SCRG1: variants seen among roughly 807,000 people sequenced by gnomAD.
SCRG1 encodes the protein stimulator of chondrogenesis 1.
SCRG1 carries 3 observed loss-of-function variants against 7.7 expected under a neutral mutation model. The observed-to-expected ratio is 0.39, with a 90% CI of 0.18 to 1.01. The LOEUF is 1.01. Ranked by LOEUF, SCRG1 falls within the 50% of genes least tolerant of loss-of-function variation. SCRG1 has a pLI of 0.36. For synonymous variants in SCRG1, 46 were observed against 41.2 expected, an observed-to-expected ratio of 1.12 and a Z score of -0.44; for missense variants, 110 against 117.2, an observed-to-expected ratio of 0.94 and a Z score of 0.28.
At chr4:173,475,492 G>A in the SCRG1 span, among the ~76,000 whole-genome samples, 924 of 152,322 alleles carry the variant, frequency 6.1e-3, 8 homozygotes, top group African/African-American at 0.021. Flanking sequence ...GTACATTGCT[G>A]GTGGGAATGT....
At chr4:173,495,184 G>C in the SCRG1 span, among the ~76,000 whole-genome samples, 1 of 152,152 alleles carries the variant, frequency 6.6e-6, no homozygotes. Context: ...ATTATTATAC[G>C]ATATCGTCGT....
the SCRG1 span, among the ~76,000 whole-genome samples, chr4:173,484,703 T>TATAATACATATTATATATTATATGCAC: frequency 0.028 from 2,657 of 94,810 alleles, 81 homozygotes; most frequent in Middle Eastern, 0.054. Context: ...ATTATATGCA[T>TATAATACATATTATATATTATATGCAC]ATAATACATA....
chr4:173,509,483 T>C, the SCRG1 span, among the ~76,000 whole-genome samples: 5 of 152,322 alleles, frequency 3.3e-5, no homozygotes, highest in African/African-American at 9.6e-5. This position sits in a 1 kb window ranked among gnomAD's most constrained non-coding sequence, Gnocchi z 5.7. Flanking sequence ...AGCCGGCCTC[T>C]GCCCCCGGCC....
the SCRG1 span, among the ~76,000 whole-genome samples, chr4:173,429,815 TATA>T: frequency 6.6e-6 from 1 of 152,198 alleles, no homozygotes; most frequent in Non-Finnish European, 1.5e-5. Flanking sequence ...AATCCTGACA[TATA>T]ATAAGAACAA....
the SCRG1 span, among the ~76,000 whole-genome samples, chr4:173,499,485 A>C: frequency 6.6e-6 from 1 of 152,248 alleles, no homozygotes; most frequent in East Asian, 1.9e-4. This position sits in a 1 kb window ranked among gnomAD's most constrained non-coding sequence, Gnocchi z 4.1. Context: ...GGAGCTTTGC[A>C]AATGAATCTT....
chr4:173,514,845 T>C, the SCRG1 span, among the ~76,000 whole-genome samples: 1 of 152,198 alleles, frequency 6.6e-6, no homozygotes, highest in Non-Finnish European at 1.5e-5. Context: ...ACAGTGAAGT[T>C]CAAATTGCAA....
the SCRG1 span, among the ~76,000 whole-genome samples, chr4:173,457,779 C>T: frequency 6.6e-6 from 1 of 151,348 alleles, no homozygotes; most frequent in Non-Finnish European, 1.5e-5. Flanking sequence ...ACACTTATAC[C>T]TATACTACCT....
the SCRG1 span, among the ~76,000 whole-genome samples, chr4:173,412,591 G>C: frequency 2.0e-5 from 3 of 152,142 alleles, no homozygotes; most frequent in African/African-American, 7.2e-5. Flanking sequence ...CCAGCCCAAG[G>C]CTGCCTCATG....
rs968843555 is a variant in SCRG1 at position 173,384,905 on chromosome 4, A to G, written c.*3436T>C. 6.6e-6 allele frequency: 1 copy of G among 152,184 alleles called. No individual in the cohort carries two copies. Among genetic ancestry groups the G allele is most frequent in the Admixed American group, 6.5e-5 (1 of 15,276 alleles). The allele number at this position is 152,184 out of a possible 1,614,324, so 9.4% of individuals were successfully genotyped here. ...GTACAATTGTGTGTCCTATCCATGT[A>G]AAAGTTTGCCTTTCTGTAAAGGAAA... On this transcript the variant is annotated 3_prime_UTR_variant, in exon 3 of 3. Coordinates refer to ENST00000296506, the MANE Select transcript of SCRG1 (RefSeq NM_007281.4).
chr4:173,509,029 G>A, the SCRG1 span, among the ~76,000 whole-genome samples: 1 of 152,170 alleles, frequency 6.6e-6, no homozygotes, highest in African/African-American at 2.4e-5. This position sits in a 1 kb window ranked among gnomAD's most constrained non-coding sequence, Gnocchi z 5.7. Context: ...GTGGTGGTAC[G>A]GCTGGTAGCA....
the SCRG1 span, among the ~76,000 whole-genome samples, chr4:173,478,945 A>G: frequency 6.6e-6 from 1 of 152,312 alleles, no homozygotes; most frequent in South Asian, 2.1e-4. Context: ...TTAAAAAAGG[A>G]AAGAGGTCAC....
the SCRG1 span, among the ~76,000 whole-genome samples, chr4:173,505,280 C>T: frequency 2.0e-5 from 3 of 152,104 alleles, no homozygotes; most frequent in Non-Finnish European, 4.4e-5. This position sits in a 1 kb window ranked among gnomAD's most constrained non-coding sequence, Gnocchi z 4.4. Flanking sequence ...GACTCTTTAA[C>T]AACAATTTAT....
chr4:173,497,033 G>A, the SCRG1 span, among the ~76,000 whole-genome samples: 1 of 152,132 alleles, frequency 6.6e-6, no homozygotes, highest in Non-Finnish European at 1.5e-5. Context: ...GTGAACCTGG[G>A]AGGCAGAGCG....
At chr4:173,402,148 A>G (rs1039540063), upstream of SCRG1, among the ~76,000 whole-genome samples, 3 of 152,190 alleles carry the variant, frequency 2.0e-5, no homozygotes, top group Admixed American at 6.5e-5. Flanking sequence ...TGAATCTTTT[A>G]TGTGACATAG....
chr4:173,466,590 G>A, the SCRG1 span, among the ~76,000 whole-genome samples: 57 of 152,056 alleles, frequency 3.7e-4, no homozygotes, highest in Non-Finnish European at 5.9e-4. Flanking sequence ...TAGGGAAAAT[G>A]GAAAAATAAT....
exon 1 of SCRG1, chr4:173,406,368 T>TC (rs1739906852): frequency 6.6e-6 from 1 of 152,198 alleles, no homozygotes; most frequent in African/African-American, 2.4e-5. Context: ...GTCTGCAACT[T>TC]CCCCCTCACT....
the SCRG1 span, among the ~76,000 whole-genome samples, chr4:173,480,828 C>CA: frequency 6.6e-6 from 1 of 150,910 alleles, no homozygotes; most frequent in East Asian, 1.9e-4. Flanking sequence ...CTAGCAACCA[C>CA]AAAAAAACAG....
chr4:173,410,883 C>G (rs1740021285), upstream of SCRG1, among the ~76,000 whole-genome samples: 1 of 152,178 alleles, frequency 6.6e-6, no homozygotes, highest in Non-Finnish European at 1.5e-5. Context: ...GACAAAGGAG[C>G]AGCACATTGG....
chr4:173,482,360 TATGTC>T, the SCRG1 span, among the ~76,000 whole-genome samples: 1 of 152,156 alleles, frequency 6.6e-6, no homozygotes, highest in Non-Finnish European at 1.5e-5. Context: ...GAAATTAACA[TATGTC>T]ATGTGTACTA....
Sources: gnomAD v4.1 joint callset for allele counts (sites outside exome capture counted in the v4.1 genomes callset) on GRCh38, gnomAD v4.1.1 for gene constraint, Gnocchi (gnomAD v3.1) non-coding constraint, MANE v1.5 for transcripts, NCBI Gene and HGNC (gene_info 2026-07-23, HGNC 2026-07-21) for gene names.